PDE4D: variants seen among roughly 807,000 people sequenced by gnomAD.
The protein encoded by PDE4D is 3',5'-cyclic-AMP phosphodiesterase 4D.
PDE4D carries 24 observed loss-of-function variants against 87.4 expected under a neutral mutation model. The observed-to-expected ratio is 0.27, with a 90% confidence interval of 0.20 to 0.39. The LOEUF is 0.39. Ranked by LOEUF, PDE4D falls within the 10% of genes least tolerant of loss-of-function variation. The pLI is 1.00. For missense variants in PDE4D, 714 were observed against 1,041.0 expected (o/e 0.69, Z 4.32); for synonymous variants, 384 against 383.2 (o/e 1.00, Z -0.02).
At chr5:59,803,125 G>A (rs1409342787) in intron 1 of PDE4D, among the ~76,000 whole-genome samples, 2 of 152,126 alleles carry the variant, frequency 1.3e-5, no homozygotes, top group Non-Finnish European at 2.9e-5. Flanking sequence ...ATCCTCACCA[G>A]GGGAGTACGG....
chr5:59,262,394 A>G (rs1361369318), intron 1 of PDE4D, among the ~76,000 whole-genome samples: 1 of 151,974 alleles, frequency 6.6e-6, no homozygotes, highest in East Asian at 1.9e-4. Context: ...GTACAATACT[A>G]AAACAAATTA....
chr5:59,276,603 A>G (rs1238409427), intron 1 of PDE4D, among the ~76,000 whole-genome samples: 2 of 152,232 alleles, frequency 1.3e-5, no homozygotes, highest in South Asian at 2.1e-4. Flanking sequence ...GGATCAGAAC[A>G]TACTGGAATT....
chr5:60,505,414 C>T (rs1480362801), intron 1 of PDE4D, among the ~76,000 whole-genome samples: 1 of 152,180 alleles, frequency 6.6e-6, no homozygotes, highest in Admixed American at 6.5e-5. Context: ...CTTTTCTCTA[C>T]CCAGCTCTGT....
At chr5:59,547,124 T>A (rs1308544075) in intron 1 of PDE4D, among the ~76,000 whole-genome samples, 3 of 152,210 alleles carry the variant, frequency 2.0e-5, no homozygotes, top group African/African-American at 4.8e-5. Flanking sequence ...ATTATCTAAT[T>A]CTTCCTCTAC....
At chr5:60,037,346 T>A (rs1767928751) in intron 2 of PDE4D, among the ~76,000 whole-genome samples, 1 of 152,230 alleles carries the variant, frequency 6.6e-6, no homozygotes, top group African/African-American at 2.4e-5. Context: ...GAGCATTTTT[T>A]TTATCTTATT....
chr5:59,084,444 C>T (rs1054799643), intron 5 of PDE4D, among the ~76,000 whole-genome samples: 12 of 151,714 alleles, frequency 7.9e-5, no homozygotes, highest in Non-Finnish European at 1.5e-4. Context: ...ACAATATAAA[C>T]ATACAGGCTA....
intron 1 of PDE4D, among the ~76,000 whole-genome samples, chr5:59,457,823 G>A (rs1037794940): frequency 6.6e-6 from 1 of 152,060 alleles, no homozygotes; most frequent in Non-Finnish European, 1.5e-5. Context: ...TTGAACCCAG[G>A]AAACGGAGTT....
intron 1 of PDE4D, among the ~76,000 whole-genome samples, chr5:60,515,183 T>C (rs1223776485): frequency 6.6e-6 from 1 of 152,152 alleles, no homozygotes; most frequent in Non-Finnish European, 1.5e-5. Flanking sequence ...TAAGTATTGA[T>C]ATCAGATAGT....
intron 2 of PDE4D, among the ~76,000 whole-genome samples, chr5:59,195,391 C>T (rs1422502032): frequency 6.6e-6 from 1 of 152,102 alleles, no homozygotes; most frequent in Non-Finnish European, 1.5e-5. Context: ...TGGGAGCCAG[C>T]AGAGAGGGAT....
intron 1 of PDE4D, among the ~76,000 whole-genome samples, chr5:59,530,018 G>A (rs1813909475): frequency 6.6e-6 from 1 of 152,142 alleles, no homozygotes; most frequent in South Asian, 2.1e-4. Context: ...CAATGCAGAT[G>A]GTTACCCACT....
Position 60,473,092 on chromosome 5 carries a change from TGAAA to T in PDE4D, c.-90+14846_-90+14849del, listed in dbSNP as rs765159368. ...GGAGGGAGAGACAGAGAGAGAGAGATGAAAGAAAGAAAGAAAGAGAGAGAGAGAA... is the reference window on the plus strand; with the variant it reads ...GGAGGGAGAGACAGAGAGAGAGAGATGAAAGAAAGAAAGAGAGAGAGAGAA... On this transcript the variant is annotated intron_variant, in intron 1 of 16. Coordinates refer to the PDE4D transcript ENST00000502484. Among the ~76,000 whole-genome samples the T allele has an allele frequency of 1.9e-3, 117 of 62,860 alleles. 1 individual carries two copies. Among genetic ancestry groups the T allele is most frequent in the African/African-American group, 5.6e-3 (63 of 11,350 alleles). 41.2% of individuals were successfully genotyped at this position (62,860 alleles called of 152,430 possible).
chr5:60,104,156 C>A (rs945566373), intron 2 of PDE4D, among the ~76,000 whole-genome samples: 1 of 152,186 alleles, frequency 6.6e-6, no homozygotes, highest in Non-Finnish European at 1.5e-5. Context: ...CACTCCCACC[C>A]AAATACTGCG....
At chr5:59,125,382 G>A (rs1053998848) in intron 5 of PDE4D, 2 of 601,278 alleles carry the variant, frequency 3.3e-6, no homozygotes, top group African/African-American at 2.0e-5. Context: ...TCTTCCTTAA[G>A]CTTCCTCTGT....
chr5:60,351,693 A>G (rs1479382488), intron 1 of PDE4D, among the ~76,000 whole-genome samples: 3 of 152,146 alleles, frequency 2.0e-5, no homozygotes, highest in Non-Finnish European at 4.4e-5. Context: ...ACTATTTGGA[A>G]AGGAATCAGT....
chr5:59,191,687 G>T (rs140181414), intron 3 of PDE4D, among the ~76,000 whole-genome samples: 2,355 of 152,014 alleles, frequency 0.015, 48 homozygotes, highest in African/African-American at 0.052. Flanking sequence ...TCCTGCCTCA[G>T]CCTCCCAAGT....
At chr5:59,830,405 A>G (rs1042262966) in intron 1 of PDE4D, among the ~76,000 whole-genome samples, 53 of 152,262 alleles carry the variant, frequency 3.5e-4, no homozygotes, top group East Asian at 1.9e-4. Flanking sequence ...CAAAATTAGT[A>G]ATTTCTAAAA....
chr5:59,214,960 A>G (rs1750902219), intron 2 of PDE4D, among the ~76,000 whole-genome samples: 1 of 152,170 alleles, frequency 6.6e-6, no homozygotes, highest in African/African-American at 2.4e-5. Context: ...GGTGTCATGA[A>G]AAGATGGTGA....
intron 1 of PDE4D, among the ~76,000 whole-genome samples, chr5:59,596,105 T>C (rs1291918190): frequency 6.6e-6 from 1 of 151,606 alleles, no homozygotes; most frequent in African/African-American, 2.4e-5. Context: ...CCATTTAAAA[T>C]CCAAAGGCCC....
At chr5:60,069,838 T>C (rs1772516755) in intron 2 of PDE4D, among the ~76,000 whole-genome samples, 1 of 152,298 alleles carries the variant, frequency 6.6e-6, no homozygotes, top group African/African-American at 2.4e-5. Context: ...TTGATTTGCT[T>C]AGTATCTTTC....
Sources: gnomAD v4.1 joint callset for allele counts (sites outside exome capture counted in the v4.1 genomes callset) on GRCh38, gnomAD v4.1.1 for gene constraint, MANE v1.5 for transcripts, NCBI Gene and HGNC (gene_info 2026-07-23, HGNC 2026-07-21) for gene names.